PLAAT1: variants seen among roughly 807,000 people sequenced by gnomAD.
PLAAT1 encodes H-REV107 protein-related protein.
In PLAAT1, 13 loss-of-function variants were observed where a neutral mutation model predicts 16.4. The ratio of observed to expected loss-of-function variants is 0.79; its 90% confidence interval spans 0.52 to 1.26. The LOEUF is 1.26. Among genes scored for constraint, PLAAT1 ranks in the 50% most tolerant of loss-of-function variants. PLAAT1 has a pLI of 0.00. For synonymous variants in PLAAT1, 73 were observed against 78.4 expected, an observed-to-expected ratio of 0.93 and a Z score of 0.36; for missense variants, 218 against 207.8, an observed-to-expected ratio of 1.05 and a Z score of -0.30.
chr3:193,244,995 A>G (rs539911061), intron 1 of PLAAT1, among the ~76,000 whole-genome samples: 9 of 152,338 alleles, frequency 5.9e-5, no homozygotes, highest in African/African-American at 2.2e-4. Flanking sequence ...GGAGACAAAC[A>G]TTCAAACCAT....
intron 2 of PLAAT1, among the ~76,000 whole-genome samples, chr3:193,262,657 T>A (rs1360800112): frequency 6.6e-6 from 1 of 152,174 alleles, no homozygotes; most frequent in Non-Finnish European, 1.5e-5. Flanking sequence ...CCAACATCTC[T>A]AATAATATAA....
intron 3 of PLAAT1, among the ~76,000 whole-genome samples, chr3:193,266,690 T>G (rs1716788457): frequency 1.3e-5 from 2 of 152,194 alleles, no homozygotes; most frequent in African/African-American, 4.8e-5. Flanking sequence ...CAGCATACTG[T>G]ATTATGTATT....
chr3:193,244,990 C>T (rs372470369), intron 1 of PLAAT1, among the ~76,000 whole-genome samples: 29 of 152,270 alleles, frequency 1.9e-4, no homozygotes, highest in African/African-American at 7.0e-4. Context: ...TTGGAGGAGA[C>T]AAACATTCAA....
chr3:193,254,589 A>G (rs1436641025), intron 1 of PLAAT1, among the ~76,000 whole-genome samples: 1 of 152,154 alleles, frequency 6.6e-6, no homozygotes, highest in Non-Finnish European at 1.5e-5. Flanking sequence ...ATCAACTGTC[A>G]GATACTTATG....
chr3:193,257,882 T>G (rs1716436961), intron 2 of PLAAT1, among the ~76,000 whole-genome samples: 1 of 152,212 alleles, frequency 6.6e-6, no homozygotes, highest in Non-Finnish European at 1.5e-5. Flanking sequence ...TTCCTGCCCT[T>G]GAACATCCGA....
intron 2 of PLAAT1, among the ~76,000 whole-genome samples, chr3:193,261,242 C>T (rs377263658): frequency 6.6e-6 from 1 of 151,992 alleles, no homozygotes; most frequent in East Asian, 1.9e-4. Flanking sequence ...GTGGCAGGCA[C>T]CTGCAATTCT....
chr3:193,276,345 G>T (rs1348178111), intron 2 of PLAAT1, among the ~76,000 whole-genome samples: 1 of 152,178 alleles, frequency 6.6e-6, no homozygotes, highest in African/African-American at 2.4e-5. Flanking sequence ...ACTAGAATAA[G>T]CAACGGCTTC....
downstream of PLAAT1, among the ~76,000 whole-genome samples, chr3:193,271,946 CCTT>C (rs1240835760): frequency 6.6e-6 from 1 of 151,966 alleles, no homozygotes; most frequent in East Asian, 1.9e-4. Context: ...ATATCTCGTC[CCTT>C]CTTTTTCAAT....
In PLAAT1 at chr3:193,268,448, C is replaced by G. The variant is rs147198333; in HGVS notation, c.406-2156C>G. On this transcript the variant is annotated intron_variant, in intron 3 of 3. Coordinates refer to ENST00000264735, the MANE Select transcript of PLAAT1 (RefSeq NM_020386.5). ...CCCAGAACGAGGCCTTTATTATGGC[C>G]CATGGACAGAAAGCCCTCTAAAGGA... 3.9e-4 allele frequency among the ~76,000 whole-genome samples: 59 copies of G among 152,218 alleles called. No individual in the cohort carries two copies. In the East Asian group the frequency reaches 9.7e-3, roughly 25 times the overall value.
Position 193,270,682 on chromosome 3 carries a change from G to A in PLAAT1, c.484G>A (p.Gly162Arg). Residue 162 changes from glycine to arginine, a missense_variant, in exon 4 of 4, where the codon GGA becomes AGA. Physicochemically the swap from Gly to Arg is moderately radical, Grantham distance 125. Coordinates refer to ENST00000264735, the MANE Select transcript of PLAAT1 (RefSeq NM_020386.5). ...VFSFLGLFPKGQRAKYY is the reference protein window; with the variant it reads ...VFSFLGLFPKRQRAKYY ...CTCATTCCTGGGCTTGTTTCCAAAAGGACAAAGAGCAAAATACTATTAACA... is the reference window on the plus strand; with the variant it reads ...CTCATTCCTGGGCTTGTTTCCAAAAAGACAAAGAGCAAAATACTATTAACA... The A allele has an allele frequency of 1.9e-6, 3 of 1,612,960 alleles. No individual in the cohort carries two copies. The highest frequency in any genetic ancestry group is 4.5e-5 in the East Asian group (2 of 44,824).
intron 3 of PLAAT1, among the ~76,000 whole-genome samples, chr3:193,264,014 G>A (rs1403485388): frequency 6.6e-6 from 1 of 152,044 alleles, no homozygotes; most frequent in Non-Finnish European, 1.5e-5. Flanking sequence ...ACATATAAAA[G>A]TGTTCATTTA....
intron 1 of PLAAT1, among the ~76,000 whole-genome samples, chr3:193,241,739 C>G (rs750516154): frequency 2.0e-5 from 3 of 152,198 alleles, no homozygotes; most frequent in Non-Finnish European, 2.9e-5. Context: ...AGAGCTGGGA[C>G]TAGAAACCCA....
Position 193,263,228 on chromosome 3 carries a change from C to G in PLAAT1, c.398C>G (p.Ser133Ter). The change falls in exon 3 of 4, where the codon TCA becomes TGA. Residue 133 changes from serine to a stop codon, truncating the protein, a stop_gained. Coordinates refer to ENST00000264735, the MANE Select transcript of PLAAT1 (RefSeq NM_020386.5). LOFTEE classifies it high-confidence loss of function. ...TTGCTTCGCTATGGAGAAGGAGTTT[C>G]AGAGCAGGTAAGTTTTCTTTAGGAG... ...VTLLRYGEGV[S>*]EQANRAISTV... 1.9e-6 allele frequency: 3 copies of G among 1,613,492 alleles called. 1 individual carries two copies. In the Middle Eastern group the frequency reaches 5.0e-4, roughly 266 times the overall value.
chr3:193,256,302 G>A (rs1190458684), intron 2 of PLAAT1, among the ~76,000 whole-genome samples: 1 of 152,120 alleles, frequency 6.6e-6, no homozygotes, highest in East Asian at 1.9e-4. Context: ...GATGAGAAGT[G>A]CTGAGGGCAG....
chr3:193,258,853 T>A (rs1364499666), intron 2 of PLAAT1, among the ~76,000 whole-genome samples: 1 of 152,100 alleles, frequency 6.6e-6, no homozygotes, highest in Non-Finnish European at 1.5e-5. Flanking sequence ...CCAATCCTAC[T>A]GAAACTACTC....
downstream of PLAAT1, among the ~76,000 whole-genome samples, chr3:193,278,701 G>T (rs1044597404): frequency 1.3e-5 from 2 of 152,010 alleles, no homozygotes; most frequent in South Asian, 2.1e-4. Context: ...CCACAGTGGG[G>T]CCTCCTTCTT....
rs2108772659 is a variant in PLAAT1 at position 193,241,425 on chromosome 3, C to T, written c.-109C>T. ...GGTGTCTCCCGGGTACAGATGGAGT[C>T]GTCCCGCGGCCGCCGGCGGCAAGGT... On this transcript the variant is annotated 5_prime_UTR_variant, in exon 1 of 4. Coordinates refer to ENST00000264735, the MANE Select transcript of PLAAT1 (RefSeq NM_020386.5). 2 of 1,231,798 alleles carry T rather than the reference C, an allele frequency of 1.6e-6. No homozygotes were observed. The allele number at this position is 1,231,798 out of a possible 1,614,324, so 76.3% of individuals were successfully genotyped here.
Position 193,241,429 on chromosome 3 carries a change from C to T in PLAAT1, c.-105C>T, listed in dbSNP as rs775510263. ...TCTCCCGGGTACAGATGGAGTCGTCCCGCGGCCGCCGGCGGCAAGGTCGGC... is the reference window on the plus strand; with the variant it reads ...TCTCCCGGGTACAGATGGAGTCGTCTCGCGGCCGCCGGCGGCAAGGTCGGC... On this transcript the variant is annotated 5_prime_UTR_variant, in exon 1 of 4. Transcript: ENST00000264735. 28 of 1,231,656 alleles carry T rather than the reference C, an allele frequency of 2.3e-5. No individual in the cohort carries two copies. Among genetic ancestry groups the T allele is most frequent in the African/African-American group, 3.1e-5 (2 of 64,408 alleles). The allele number at this position is 1,231,656 out of a possible 1,614,324, so 76.3% of individuals were successfully genotyped here.
intron 1 of PLAAT1, among the ~76,000 whole-genome samples, chr3:193,245,208 C>T (rs1715933733): frequency 6.6e-6 from 1 of 152,166 alleles, no homozygotes; most frequent in Non-Finnish European, 1.5e-5. Context: ...ATTTCTCTCT[C>T]TTCCCTTTAG....
Sources: gnomAD v4.1 joint callset for allele counts (sites outside exome capture counted in the v4.1 genomes callset) on GRCh38, gnomAD v4.1.1 for gene constraint, MANE v1.5 for transcripts, NCBI Gene and HGNC (gene_info 2026-07-23, HGNC 2026-07-21) for gene names.